IRAK2: variants seen among roughly 807,000 people sequenced by gnomAD.
IRAK2 encodes the protein interleukin-1 receptor-associated kinase-like 2.
Under a neutral mutation model 72.0 loss-of-function variants are expected in IRAK2, and 57 were observed. The ratio of observed to expected loss-of-function variants is 0.79; its 90% CI spans 0.64 to 0.99. The LOEUF (loss-of-function observed/expected upper bound fraction) is 0.99, where lower values mean the gene tolerates loss of function less well. IRAK2 is among the 50% of genes least tolerant of loss of function. The pLI is 0.00. For missense variants in IRAK2, 790 were observed against 794.4 expected, an observed-to-expected ratio of 0.99 and a Z score of 0.07; for synonymous variants, 293 against 312.7, an observed-to-expected ratio of 0.94 and a Z score of 0.67.
At chr3:10,177,766 G>T in intron 1 of IRAK2, 72 bp from the exon 2 acceptor site, 1 of 1,458,524 alleles carries the variant, frequency 6.9e-7, no homozygotes. Context: ...CCCAGCTAGG[G>T]GCTAGTGTGG....
intron 10 of IRAK2, among the ~76,000 whole-genome samples, chr3:10,226,780 AC>A (rs1697784924): frequency 6.6e-6 from 1 of 151,630 alleles, no homozygotes; most frequent in Non-Finnish European, 1.5e-5. Context: ...GAAAAAACTT[AC>A]AAAAAACCCC....
chr3:10,192,381 G>A (rs1144911), intron 2 of IRAK2, among the ~76,000 whole-genome samples: 44,224 of 152,082 alleles, frequency 0.29, 7,573 homozygotes, highest in Non-Finnish European at 0.39. Context: ...ATTTGCCACC[G>A]TGTGAAATGT....
In IRAK2 at chr3:10,196,082, G is replaced by T. The variant is rs117359168; in HGVS notation, c.278-4287G>T. Among the ~76,000 whole-genome samples the T allele has an allele frequency of 4.6e-5, 7 of 152,334 alleles. No individual in the cohort carries two copies. In the East Asian group the frequency reaches 1.3e-3, roughly 29 times the overall value. On this transcript the variant is annotated intron_variant, in intron 2 of 12. Coordinates refer to ENST00000256458, the MANE Select transcript of IRAK2 (RefSeq NM_001570.4). ...TTGAATCAGCACTCACCCCGACATT[G>T]TTCATTGTCATTCTGTACAAGGGAC...
At chr3:10,189,365 G>A (rs1379750934) in intron 2 of IRAK2, among the ~76,000 whole-genome samples, 2 of 152,222 alleles carry the variant, frequency 1.3e-5, no homozygotes, top group African/African-American at 4.8e-5. Flanking sequence ...TGCCATGCAG[G>A]CTACCGCCAA....
At chr3:10,197,942 G>C (rs1196903141) in intron 2 of IRAK2, among the ~76,000 whole-genome samples, 1 of 150,986 alleles carries the variant, frequency 6.6e-6, no homozygotes. Flanking sequence ...GCTCACGCCT[G>C]TAATCCCAGC....
intron 2 of IRAK2, among the ~76,000 whole-genome samples, chr3:10,183,706 C>T (rs796543331): frequency 4.0e-5 from 6 of 149,512 alleles, no homozygotes; most frequent in Admixed American, 6.6e-5. Flanking sequence ...GGCGGCAGAG[C>T]GAGACTCCGT....
At chr3:10,193,243 C>T (rs1478121900) in intron 2 of IRAK2, among the ~76,000 whole-genome samples, 1 of 152,162 alleles carries the variant, frequency 6.6e-6, no homozygotes, top group Non-Finnish European at 1.5e-5. Context: ...CCCATTTCCT[C>T]CTTGTATCTG....
intron 1 of IRAK2, among the ~76,000 whole-genome samples, chr3:10,168,435 T>A (rs1177525768): frequency 2.0e-5 from 3 of 151,998 alleles, no homozygotes; most frequent in Non-Finnish European, 4.4e-5. Flanking sequence ...GGTCTCAAAC[T>A]CCTAACCTCA....
chr3:10,242,102 C>A lies in IRAK2; in HGVS notation c.1766-14C>A. The A allele has an allele frequency of 1.4e-6, 2 of 1,458,384 alleles. No homozygotes were observed. Among genetic ancestry groups the A allele is most frequent in the African/African-American group, 2.8e-5 (2 of 71,542 alleles). 90.3% of individuals were successfully genotyped at this position (1,458,384 alleles called of 1,614,324 possible). A position where few individuals can be genotyped will look rare whatever the true frequency, so the allele number is the denominator to read the frequency against. ...CATTCAAGTCGCTCTTGTTTGCTTT[C>A]TGTTGAACATCAGTTACAGAAACTT... On this transcript the variant is annotated splice_polypyrimidine_tract_variant and intron_variant, in intron 12 of 12. Coordinates refer to ENST00000256458, the MANE Select transcript of IRAK2 (RefSeq NM_001570.4).
At chr3:10,202,366 G>A (rs1442576311) in intron 3 of IRAK2, among the ~76,000 whole-genome samples, 1 of 152,176 alleles carries the variant, frequency 6.6e-6, no homozygotes, top group Non-Finnish European at 1.5e-5. Flanking sequence ...GCTCATGCCT[G>A]TAATCCTAGC....
intron 10 of IRAK2, among the ~76,000 whole-genome samples, chr3:10,233,493 T>C (rs531450139): frequency 6.6e-6 from 1 of 152,298 alleles, no homozygotes; most frequent in East Asian, 1.9e-4. Context: ...ATATAGCATA[T>C]GTTCTATTGT....
chr3:10,223,340 C>T (rs538555400), intron 9 of IRAK2, among the ~76,000 whole-genome samples: 6 of 152,192 alleles, frequency 3.9e-5, no homozygotes, highest in African/African-American at 1.4e-4. Flanking sequence ...CAGCATCCCA[C>T]CCTACCACCA....
intron 1 of IRAK2, among the ~76,000 whole-genome samples, chr3:10,172,977 C>T (rs1187501206): frequency 1.3e-5 from 2 of 151,934 alleles, no homozygotes; most frequent in East Asian, 3.9e-4. Flanking sequence ...CCGCACCTGG[C>T]CAAACTCTAT....
chr3:10,222,853 T>C (rs2125160120), intron 9 of IRAK2, 22 bp downstream of exon 9: 1 of 1,604,338 alleles, frequency 6.2e-7, no homozygotes, highest in Non-Finnish European at 8.5e-7. Flanking sequence ...CTGCTCTGCG[T>C]AGAGTGGGGC....
chr3:10,219,466 C>A (rs1160515283), intron 7 of IRAK2, among the ~76,000 whole-genome samples: 2 of 151,988 alleles, frequency 1.3e-5, no homozygotes, highest in African/African-American at 4.8e-5. Context: ...CTACAGGCAG[C>A]CGCCACCAGG....
chr3:10,202,689 CTTTTTTTTTT>C (rs374939802), intron 3 of IRAK2, among the ~76,000 whole-genome samples: 1 of 98,068 alleles, frequency 1.0e-5, no homozygotes, highest in Admixed American at 1.4e-4. Context: ...ACTTTCTTTC[CTTTTTTTTTT>C]TTTTTTTTTT....
intron 2 of IRAK2, among the ~76,000 whole-genome samples, chr3:10,180,797 G>C (rs1293206671): frequency 1.3e-5 from 2 of 152,114 alleles, no homozygotes; most frequent in Non-Finnish European, 2.9e-5. Context: ...GGACGTGCAG[G>C]TGGAGAGATC....
chr3:10,179,419 C>T (rs1010880614), intron 2 of IRAK2, among the ~76,000 whole-genome samples: 5 of 151,026 alleles, frequency 3.3e-5, no homozygotes, highest in African/African-American at 1.2e-4. Context: ...TTACAGGTGC[C>T]CACTACCACA....
intron 12 of IRAK2, among the ~76,000 whole-genome samples, chr3:10,241,593 G>A (rs190398170): frequency 1.7e-3 from 105 of 60,786 alleles, no homozygotes; most frequent in Admixed American, 0.014. Context: ...ATAAATAAAT[G>A]GGCTGGGTGC....
Sources: allele counts gnomAD v4.1 joint callset (sites outside exome capture counted in the v4.1 genomes callset), GRCh38; gene constraint gnomAD v4.1.1; transcripts MANE v1.5; gene names NCBI Gene and HGNC (gene_info 2026-07-23, HGNC 2026-07-21).